The following TOP2B variants were observed in gnomAD, a reference collection of about 807,000 sequenced individuals.
The protein encoded by TOP2B is DNA topoisomerase 2-beta.
A neutral mutation model predicts 193.5 loss-of-function variants in TOP2B; 51 were observed. The ratio of observed to expected loss-of-function variants is 0.26; its 90% confidence interval spans 0.21 to 0.33. The LOEUF (loss-of-function observed/expected upper bound fraction) is 0.33. Ranked by LOEUF, TOP2B falls within the 10% of genes least tolerant of loss-of-function variation. The pLI is 1.00. For missense variants in TOP2B, 1,378 were observed against 1,909.3 expected (o/e 0.72, Z 5.19); for synonymous variants, 634 against 635.7 (o/e 1.00, Z 0.04).
chr3:25,649,428 T>A (rs1270325763), intron 1 of TOP2B, among the ~76,000 whole-genome samples: 3 of 151,834 alleles, frequency 2.0e-5, no homozygotes, highest in Non-Finnish European at 2.9e-5. Context: ...TAAAGAAAAC[T>A]ACACCAAGAC....
intron 21 of TOP2B, among the ~76,000 whole-genome samples, chr3:25,622,481 T>G (rs1447162301): frequency 6.6e-6 from 1 of 152,168 alleles, no homozygotes; most frequent in Non-Finnish European, 1.5e-5. Context: ...TTTGCTTACC[T>G]ATATTTTCTA....
At chr3:25,607,501 C>G in intron 30 of TOP2B, 126 bp from the exon 31 acceptor site, 1 of 1,246,224 alleles carries the variant, frequency 8.0e-7, no homozygotes, top group South Asian at 1.6e-5. Context: ...GAAATAAAAG[C>G]AAGCATTTAC....
At chr3:25,644,442 T>A (rs187120955) in intron 2 of TOP2B, among the ~76,000 whole-genome samples, 1 of 152,118 alleles carries the variant, frequency 6.6e-6, no homozygotes. Flanking sequence ...GGCTCACGCC[T>A]GTAATCCTAG....
At chr3:25,654,970 G>A (rs936290910) in intron 1 of TOP2B, among the ~76,000 whole-genome samples, 2 of 152,094 alleles carry the variant, frequency 1.3e-5, no homozygotes, top group Non-Finnish European at 2.9e-5. Context: ...GAAACATAAA[G>A]GAAAACCTTT....
chr3:25,643,520 T>G (rs1703322625), intron 3 of TOP2B, among the ~76,000 whole-genome samples, 174 bp downstream of exon 3: 1 of 152,146 alleles, frequency 6.6e-6, no homozygotes. Flanking sequence ...GAAACAGAGA[T>G]ATGAAAACAT....
chr3:25,621,996 A>T (rs2125366868), intron 21 of TOP2B, among the ~76,000 whole-genome samples: 1 of 152,108 alleles, frequency 6.6e-6, no homozygotes, highest in South Asian at 2.1e-4. Flanking sequence ...CTCAGAAAAA[A>T]AAAAAAAGAA....
Position 25,629,165 on chromosome 3 carries a change from G to C in TOP2B, c.1690-20C>G. The C allele has an allele frequency of 1.4e-6, 2 of 1,477,382 alleles. No homozygotes were observed. The highest frequency in any genetic ancestry group is 1.8e-6 in the Non-Finnish European group (2 of 1,095,432). 91.5% of individuals were successfully genotyped at this position (1,477,382 alleles called of 1,614,324 possible). On this transcript the variant is annotated intron_variant, in intron 13 of 35. Coordinates refer to ENST00000264331, the MANE Select transcript of TOP2B (RefSeq NM_001330700.2). Reference sequence around the variant, plus strand: ...TTGATCCTAAATAAATGTTAGTAAAGTAAAAAATGTTGTAATACTTTTATA... The same window carrying C: ...TTGATCCTAAATAAATGTTAGTAAACTAAAAAATGTTGTAATACTTTTATA...
chr3:25,653,981 A>G (rs1703673240), intron 1 of TOP2B, among the ~76,000 whole-genome samples: 1 of 152,230 alleles, frequency 6.6e-6, no homozygotes, highest in South Asian at 2.1e-4. Flanking sequence ...CAATACACAC[A>G]AAGCCAACAG....
Position 25,664,473 on chromosome 3 carries a change from G to A in TOP2B, c.-176C>T, listed in dbSNP as rs1057427480. The A allele has an allele frequency of 2.5e-6, 3 of 1,206,602 alleles. No individual in the cohort carries two copies. The African/African-American group carries it at 4.8e-5, about 19-fold the overall frequency. The allele number at this position is 1,206,602 out of a possible 1,614,324, so 74.7% of individuals were successfully genotyped here. A position where few individuals can be genotyped will look rare whatever the true frequency, so the allele number is the denominator to read the frequency against. ...CGGACGTCCAGCCGAGCCCGCTGAG[G>A]AGGCCGCGCCGCCGGCTGCCCTCAA... is the stretch of plus-strand genomic sequence containing the variant. On this transcript the variant is annotated 5_prime_UTR_variant, in exon 1 of 36. Coordinates refer to ENST00000264331, the MANE Select transcript of TOP2B (RefSeq NM_001330700.2).
intron 27 of TOP2B, 75 bp downstream of exon 27, chr3:25,615,130 G>T: frequency 7.5e-7 from 1 of 1,330,262 alleles, no homozygotes; most frequent in Non-Finnish European, 1.0e-6. Context: ...AAAACTTTAA[G>T]ATCACTTAAA....
intron 18 of TOP2B, 149 bp from the exon 19 acceptor site, chr3:25,624,952 G>A (rs991999009): frequency 3.2e-5 from 22 of 685,096 alleles, no homozygotes; most frequent in Middle Eastern, 4.2e-4. Context: ...ATACTAACAC[G>A]TTTGTTTTGT....
At chr3:25,609,841 T>A in intron 28 of TOP2B, 129 bp from the exon 29 acceptor site, 2 of 851,188 alleles carry the variant, frequency 2.3e-6, no homozygotes, top group South Asian at 2.5e-5. Context: ...GATGAGGTCC[T>A]AACAGCTGAC....
At chr3:25,639,789 A>C (rs1195656108) in intron 4 of TOP2B, among the ~76,000 whole-genome samples, 1 of 152,244 alleles carries the variant, frequency 6.6e-6, no homozygotes, top group East Asian at 1.9e-4. Flanking sequence ...AGGCTTTACA[A>C]CCATGACCTT....
At chr3:25,631,617 C>A (rs1702960228) in intron 10 of TOP2B, among the ~76,000 whole-genome samples, 1 of 151,926 alleles carries the variant, frequency 6.6e-6, no homozygotes, top group African/African-American at 2.4e-5. Context: ...AAGACATAAA[C>A]AAAAGAGGTG....
chr3:25,638,811 G>A (rs547762865), intron 4 of TOP2B, among the ~76,000 whole-genome samples: 31 of 152,082 alleles, frequency 2.0e-4, no homozygotes, highest in African/African-American at 6.5e-4. Context: ...ATTTCAATCT[G>A]TATCATTTCT....
chr3:25,654,434 A>G (rs1037750042), intron 1 of TOP2B, among the ~76,000 whole-genome samples: 2 of 152,202 alleles, frequency 1.3e-5, no homozygotes, highest in African/African-American at 2.4e-5. Context: ...TGAAAAAAAG[A>G]TACCAATAAA....
At chr3:25,630,703 AAAATCATAGTCT>A (rs1197605021) in intron 11 of TOP2B, 86 bp downstream of exon 11, 6 of 1,170,834 alleles carry the variant, frequency 5.1e-6, no homozygotes, top group Admixed American at 3.5e-5. Flanking sequence ...CTCTGAATGG[AAAATCATAGTCT>A]AACTATATGT....
chr3:25,655,711 G>A lies in TOP2B; in HGVS notation c.69+8518C>T, dbSNP rs181697390. ...GTATTATGCAGCCTCAAAAAACATGGAAATCTTGTCATGTGCTATAACATG... is the reference window on the plus strand; with the variant it reads ...GTATTATGCAGCCTCAAAAAACATGAAAATCTTGTCATGTGCTATAACATG... On this transcript the variant is annotated intron_variant, in intron 1 of 35. Coordinates refer to ENST00000264331, the MANE Select transcript of TOP2B (RefSeq NM_001330700.2). Among the ~76,000 whole-genome samples, 385 of 152,256 alleles carry A rather than the reference G, an allele frequency of 2.5e-3. 3 individuals are homozygous for A. The highest frequency in any genetic ancestry group is 8.8e-3 in the African/African-American group (366 of 41,554).
In TOP2B at chr3:25,632,597, A is replaced by AC; in HGVS notation, c.1129-15dup. 1 of 1,600,548 alleles carries AC rather than the reference A, an allele frequency of 6.2e-7. No homozygotes were observed. On this transcript the variant is annotated splice_polypyrimidine_tract_variant and intron_variant, in intron 9 of 35. Coordinates refer to ENST00000264331, the MANE Select transcript of TOP2B (RefSeq NM_001330700.2). ...ATGGTTTTTTACCTGTTGAAAACAT[A>AC]CCCAAAAAAGTCAATATCAGAGCTG... is the stretch of plus-strand genomic sequence containing the variant.
Sources: allele counts gnomAD v4.1 joint callset (sites outside exome capture counted in the v4.1 genomes callset), GRCh38; gene constraint gnomAD v4.1.1; transcripts MANE v1.5; gene names NCBI Gene and HGNC (gene_info 2026-07-23, HGNC 2026-07-21).